Variants in RADIL observed in about 807,000 individuals in gnomAD.
RADIL encodes ras-associating and dilute domain-containing protein.
RADIL carries 99 observed loss-of-function variants against 97.6 expected under a neutral mutation model. That is an observed-to-expected ratio of 1.01 (90% CI 0.86 to 1.20). The LOEUF (loss-of-function observed/expected upper bound fraction) is 1.20, where lower values mean the gene tolerates loss of function less well. Among genes scored for constraint, RADIL ranks in the 50% most tolerant of loss-of-function variants. RADIL has a pLI of 0.00. For missense variants in RADIL, 1,765 were observed against 1,498.9 expected, an observed-to-expected ratio of 1.18 and a Z score of -2.93; for synonymous variants, 803 against 691.8, an observed-to-expected ratio of 1.16 and a Z score of -2.52.
chr7:4,809,657 T>TTTTA (rs35301644), intron 9 of RADIL: 176,380 of 915,210 alleles, frequency 0.19, 19,954 homozygotes, highest in African/African-American at 0.39. Context: ...TTACATCTTA[T>TTTTA]TTTATTTATT....
At chr7:4,875,711 C>G (rs1784361078) in intron 2 of RADIL, among the ~76,000 whole-genome samples, 3 of 152,214 alleles carry the variant, frequency 2.0e-5, no homozygotes, top group Admixed American at 2.0e-4. Flanking sequence ...CATTGAAGAG[C>G]CTTTGTTCCC....
In RADIL at chr7:4,834,537, G is replaced by A; in HGVS notation, c.1416+70C>T. On this transcript the variant is annotated intron_variant, in intron 4 of 14. Coordinates refer to ENST00000399583, the MANE Select transcript of RADIL (RefSeq NM_018059.5). This position sits in a 1 kb window ranked among gnomAD's most constrained non-coding sequence, Gnocchi z 6.0. ...TAGAGGCGCTCCCGCCTCCCAGCCG[G>A]GGCCAGCTCCGGGCCCCCTCTTCCC... The A allele has an allele frequency of 7.8e-7, 1 of 1,278,526 alleles. No individual in the cohort carries two copies. The highest frequency in any genetic ancestry group is 3.0e-5 in the East Asian group (1 of 33,488). The allele number at this position is 1,278,526 out of a possible 1,614,324, so 79.2% of individuals were successfully genotyped here.
rs6948146 is a variant in RADIL, at chr7:4,819,443, C to T, written c.1616-2092G>A. Among the ~76,000 whole-genome samples, 499 of 152,126 alleles carry T rather than the reference C, an allele frequency of 3.3e-3. 3 individuals are homozygous for T. The highest frequency in any genetic ancestry group is 0.011 in the African/African-American group (473 of 41,486). Reference sequence around the variant, plus strand: ...GGTGGGCATTTCTGAGGATTTCCGACGCCCACGAGCCATTAAGAGGACACA... The same window carrying T: ...GGTGGGCATTTCTGAGGATTTCCGATGCCCACGAGCCATTAAGAGGACACA... On this transcript the variant is annotated intron_variant, in intron 6 of 14. Transcript: ENST00000399583. The surrounding 1 kb of genome is among the most constrained non-coding windows in gnomAD (Gnocchi z 5.8).
chr7:4,803,923 T>A, intron 10 of RADIL, 169 bp from the exon 11 acceptor site: 1 of 713,622 alleles, frequency 1.4e-6, no homozygotes, highest in Non-Finnish European at 2.5e-6. Context: ...GGCCCCACCC[T>A]AGGACTCATC....
chr7:4,840,916 G>A lies in RADIL; in HGVS notation c.536-4311C>T, dbSNP rs1186884610. ...CAGGAGGTGGAGGTTGCAGTGACCTGAGATCGCACCACTGCACTCCAGCCT... is the reference window on the plus strand; with the variant it reads ...CAGGAGGTGGAGGTTGCAGTGACCTAAGATCGCACCACTGCACTCCAGCCT... On this transcript the variant is annotated intron_variant, in intron 2 of 14. Coordinates refer to ENST00000399583, the MANE Select transcript of RADIL (RefSeq NM_018059.5). The surrounding 1 kb of genome is among the most constrained non-coding windows in gnomAD (Gnocchi z 5.6). Among the ~76,000 whole-genome samples, 2 of 152,186 alleles carry A rather than the reference G, an allele frequency of 1.3e-5. No individual in the cohort carries two copies. Among genetic ancestry groups the A allele is most frequent in the Non-Finnish European group, 2.9e-5 (2 of 68,036 alleles).
chr7:4,809,637 C>T, intron 9 of RADIL: 1 of 982,084 alleles, frequency 1.0e-6, no homozygotes, highest in Non-Finnish European at 1.2e-6. Flanking sequence ...CCTGCCCTTT[C>T]AGGAGTATTT....
intron 5 of RADIL, 132 bp downstream of exon 5, chr7:4,832,008 CT>C (rs1783156392): frequency 5.4e-6 from 5 of 932,088 alleles, no homozygotes; most frequent in South Asian, 4.8e-5. Context: ...AAGGCCGCTG[CT>C]TGGATGGAAG....
rs756223081 is a variant in RADIL, at chr7:4,801,880, C to T, written c.2615G>A (p.Arg872Lys). The T allele has an allele frequency of 1.3e-6, 2 of 1,589,514 alleles. No homozygotes were observed. Among genetic ancestry groups the T allele is most frequent in the South Asian group, 2.3e-5 (2 of 88,098 alleles). ...EVAPERTLPL[R>K]GAPWAQAPPG... is the part of the protein sequence containing the mutation. Reference sequence around the variant, plus strand: ...GGGGGCCTGTGCCCAGGGAGCCCCCCTCAAGGGAAGAGTACGCTCCGGGGC... The same window carrying T: ...GGGGGCCTGTGCCCAGGGAGCCCCCTTCAAGGGAAGAGTACGCTCCGGGGC... Residue 872 changes from arginine (R) to lysine (K), a missense_variant, in exon 12 of 15, where the codon AGG becomes AAG. By Grantham distance (26) the Arg-to-Lys change is conservative. Transcript: ENST00000399583.
At chr7:4,829,648 G>A (rs958452726) in intron 5 of RADIL, among the ~76,000 whole-genome samples, 1 of 152,046 alleles carries the variant, frequency 6.6e-6, no homozygotes, top group East Asian at 1.9e-4. Flanking sequence ...TGGGAGGGAC[G>A]CGGTGGGTGG....
intron 9 of RADIL, among the ~76,000 whole-genome samples, chr7:4,811,642 C>T (rs1782552166): frequency 6.6e-6 from 1 of 151,618 alleles, no homozygotes; most frequent in Admixed American, 6.6e-5. Flanking sequence ...CGCCCGCCAC[C>T]GTGCCCGGCT....
chr7:4,868,983 C>T (rs77984146), intron 2 of RADIL, among the ~76,000 whole-genome samples: 8,727 of 152,152 alleles, frequency 0.057, 318 homozygotes, highest in African/African-American at 0.096. Context: ...AAAAATTAGC[C>T]GGGCCTCATG....
chr7:4,819,415 G>A lies in RADIL; in HGVS notation c.1616-2064C>T, dbSNP rs1782768556. On this transcript the variant is annotated intron_variant, in intron 6 of 14. Transcript: ENST00000399583. This position sits in a 1 kb window ranked among gnomAD's most constrained non-coding sequence, Gnocchi z 5.8. ...AGACGCCTCTCCCTGTGGTACCAGG[G>A]CTGGTGGGCATTTCTGAGGATTTCC... Among the ~76,000 whole-genome samples the A allele has an allele frequency of 2.0e-5, 3 of 152,062 alleles. No individual in the cohort carries two copies. Among genetic ancestry groups the A allele is most frequent in the Admixed American group, 2.0e-4 (3 of 15,250 alleles).
At position 4,840,306 on chromosome 7, in the gene RADIL, G is replaced by A. The variant is rs913608883; in HGVS notation, c.536-3701C>T. Among the ~76,000 whole-genome samples, 7 of 152,178 alleles carry A rather than the reference G, an allele frequency of 4.6e-5. No individual in the cohort carries two copies. The highest frequency in any genetic ancestry group is 7.2e-5 in the African/African-American group (3 of 41,436). ...TGAGTCACCTGAGCGTCTCAGCTCT[G>A]TGCAGACCCAGGGCGGATCTGCCTC... On this transcript the variant is annotated intron_variant, in intron 2 of 14. Transcript: ENST00000399583. This position sits in a 1 kb window ranked among gnomAD's most constrained non-coding sequence, Gnocchi z 5.6.
At chr7:4,844,998 G>C (rs1333762105) in intron 2 of RADIL, among the ~76,000 whole-genome samples, 1 of 151,608 alleles carries the variant, frequency 6.6e-6, no homozygotes, top group Non-Finnish European at 1.5e-5. Context: ...TGAGGAAAGG[G>C]ACCGAATTAA....
intron 5 of RADIL, among the ~76,000 whole-genome samples, chr7:4,831,932 T>G (rs543925783): frequency 6.6e-6 from 1 of 152,184 alleles, no homozygotes; most frequent in East Asian, 1.9e-4. Flanking sequence ...CATCCAGTCT[T>G]AAGGGTGCCC....
chr7:4,818,244 C>A lies in RADIL; in HGVS notation c.1616-893G>T, dbSNP rs1782731529. Among the ~76,000 whole-genome samples, 1 of 152,052 alleles carries A rather than the reference C, an allele frequency of 6.6e-6. No homozygotes were observed. The highest frequency in any genetic ancestry group is 1.5e-5 in the Non-Finnish European group (1 of 68,008). On this transcript the variant is annotated intron_variant, in intron 6 of 14. Transcript: ENST00000399583. This position sits in a 1 kb window ranked among gnomAD's most constrained non-coding sequence, Gnocchi z 7.1. ...GGCTGCATGGGCGGCGCCTGGTGAGCCAGGCCAACACTCACCCCAGCGCGG... is the reference window on the plus strand; with the variant it reads ...GGCTGCATGGGCGGCGCCTGGTGAGACAGGCCAACACTCACCCCAGCGCGG...
intron 2 of RADIL, among the ~76,000 whole-genome samples, chr7:4,866,941 A>G: frequency 6.6e-6 from 1 of 152,178 alleles, no homozygotes; most frequent in East Asian, 1.9e-4. Flanking sequence ...GGTTTCCAAG[A>G]ACAGTAGGCT....
chr7:4,842,282 G>A lies in RADIL; in HGVS notation c.536-5677C>T, dbSNP rs1783458712. Reference sequence around the variant, plus strand: ...CACAGCAGAGGCCGTAAGGAAAGGAGGGCTGAGCTCCATGTCCCTGAAGCT... The same window carrying A: ...CACAGCAGAGGCCGTAAGGAAAGGAAGGCTGAGCTCCATGTCCCTGAAGCT... On this transcript the variant is annotated intron_variant, in intron 2 of 14. Transcript: ENST00000399583. This position sits in a 1 kb window ranked among gnomAD's most constrained non-coding sequence, Gnocchi z 4.5. 6.6e-6 allele frequency among the ~76,000 whole-genome samples: 1 copy of A among 152,142 alleles called. No individual in the cohort carries two copies. Among genetic ancestry groups the A allele is most frequent in the South Asian group, 2.1e-4 (1 of 4,830 alleles).
rs1203250988 is a variant in RADIL, at chr7:4,834,910, G to A, written c.1113C>T (p.Arg371=). The A allele has an allele frequency of 3.3e-6, 5 of 1,533,964 alleles. No individual in the cohort carries two copies. The African/African-American group carries it at 5.5e-5, about 17-fold the overall frequency. ...AQPLPARALA[R]LRAVPQSCRL... is the part of the protein sequence containing the mutation. The stretch of plus-strand genomic sequence containing the variant: ...GGCAGCTCTGCGGCACAGCCCGGAG[G>A]CGCGCCAAGGCCCGGGCGGGCAGGG... The change falls in exon 4 of 15, where the codon CGC becomes CGT. Residue 371 remains arginine (R), a synonymous_variant. Transcript: ENST00000399583. This position sits in a 1 kb window ranked among gnomAD's most constrained non-coding sequence, Gnocchi z 6.0.
Sources: gnomAD v4.1 joint callset for allele counts (sites outside exome capture counted in the v4.1 genomes callset) on GRCh38, gnomAD v4.1.1 for gene constraint, Gnocchi (gnomAD v3.1) non-coding constraint, MANE v1.5 for transcripts, NCBI Gene and HGNC (gene_info 2026-07-23, HGNC 2026-07-21) for gene names.